Variants in RHOJ observed in about 807,000 individuals in gnomAD.
RHOJ encodes the protein ras homolog family member J.
Under a neutral mutation model 23.4 loss-of-function variants are expected in RHOJ, and 11 were observed. That is an observed-to-expected ratio of 0.47 (90% CI 0.30 to 0.78). The LOEUF (loss-of-function observed/expected upper bound fraction) is 0.78. RHOJ is among the 30% of genes least tolerant of loss of function. RHOJ has a pLI of 0.08. For missense variants in RHOJ, 254 were observed against 273.4 expected (o/e 0.93, Z 0.50); for synonymous variants, 102 against 102.7 (o/e 0.99, Z 0.04).
chr14:63,283,927 C>T (rs967689122), intron 4 of RHOJ, among the ~76,000 whole-genome samples: 4 of 152,158 alleles, frequency 2.6e-5, no homozygotes, highest in African/African-American at 9.7e-5. Flanking sequence ...AGCAAAGCAG[C>T]CACTGAAAAA....
chr14:63,264,860 T>G (rs1223841227), intron 1 of RHOJ, among the ~76,000 whole-genome samples: 1 of 152,216 alleles, frequency 6.6e-6, no homozygotes, highest in Non-Finnish European at 1.5e-5. Flanking sequence ...ATTAAAAAGT[T>G]TTTTGGTTTT....
chr14:63,267,943 A>T (rs1895397232), intron 1 of RHOJ, among the ~76,000 whole-genome samples: 5 of 152,252 alleles, frequency 3.3e-5, no homozygotes, highest in Admixed American at 3.3e-4. Flanking sequence ...CGAGCCATTA[A>T]GAAGTTCCTT....
chr14:63,227,459 C>T (rs570349437), intron 1 of RHOJ, among the ~76,000 whole-genome samples: 1 of 152,202 alleles, frequency 6.6e-6, no homozygotes, highest in South Asian at 2.1e-4. Context: ...CCACTCTTCC[C>T]TATGTAATTT....
Position 63,242,191 on chromosome 14 carries a change from T to G in RHOJ, c.179-26919T>G, listed in dbSNP as rs564408782. On this transcript the variant is annotated intron_variant, in intron 1 of 4. Coordinates refer to ENST00000316754, the MANE Select transcript of RHOJ (RefSeq NM_020663.5). ...AAAGAAAAGAATGATAGCTCAAAGA[T>G]GTAAAATGAAATGGCCACAATTTTT... Among the ~76,000 whole-genome samples, 25 of 152,320 alleles carry G rather than the reference T, an allele frequency of 1.6e-4. No homozygotes were observed. The South Asian group carries it at 5.0e-3, about 30-fold the overall frequency.
chr14:63,276,132 T>C lies in RHOJ; in HGVS notation c.238-4839T>C, dbSNP rs900847958. On this transcript the variant is annotated intron_variant, in intron 2 of 4. Transcript: ENST00000316754. ...GAACAGTCACCTGTGGTTCTGAAACTTGAGCTGCATCAGAATCACCTGGAG... is the reference window on the plus strand; with the variant it reads ...GAACAGTCACCTGTGGTTCTGAAACCTGAGCTGCATCAGAATCACCTGGAG... 2.6e-5 allele frequency among the ~76,000 whole-genome samples: 4 copies of C among 152,182 alleles called. No individual in the cohort carries two copies. In the East Asian group the frequency reaches 7.7e-4, roughly 29 times the overall value.
At position 63,257,186 on chromosome 14, in the gene RHOJ, C is replaced by T. The variant is rs1042055004; in HGVS notation, c.179-11924C>T. On this transcript the variant is annotated intron_variant, in intron 1 of 4. Transcript: ENST00000316754. ...CCAGGAGCTGGAGGTTGCAGTGAGA[C>T]GAAATCGCACCACTGTACTCCAGCC... Among the ~76,000 whole-genome samples, 4 of 138,840 alleles carry T rather than the reference C, an allele frequency of 2.9e-5. 1 individual carries two copies. In the East Asian group the frequency reaches 9.6e-4, roughly 33 times the overall value. The allele number at this position is 138,840 out of a possible 152,430, so 91.1% of individuals were successfully genotyped here.
chr14:63,290,430 T>C (rs1023203151), intron 4 of RHOJ, among the ~76,000 whole-genome samples: 9 of 152,124 alleles, frequency 5.9e-5, no homozygotes, highest in African/African-American at 1.9e-4. Flanking sequence ...AGAAGATACA[T>C]TTCACTTGTA....
At position 63,272,629 on chromosome 14, in the gene RHOJ, G is replaced by C. The variant is rs547902593; in HGVS notation, c.237+3461G>C. On this transcript the variant is annotated intron_variant, in intron 2 of 4. Coordinates refer to ENST00000316754, the MANE Select transcript of RHOJ (RefSeq NM_020663.5). ...AAAATCATTTGACCTGCTTTCCCTTGACTTTGAGGCACCTAGTCTGCCTCA... is the reference window on the plus strand; with the variant it reads ...AAAATCATTTGACCTGCTTTCCCTTCACTTTGAGGCACCTAGTCTGCCTCA... Among the ~76,000 whole-genome samples, 4 of 152,304 alleles carry C rather than the reference G, an allele frequency of 2.6e-5. No homozygotes were observed. The East Asian group carries it at 7.7e-4, about 29-fold the overall frequency.
chr14:63,246,285 T>A (rs1045603565), intron 1 of RHOJ, among the ~76,000 whole-genome samples: 1 of 152,210 alleles, frequency 6.6e-6, no homozygotes, highest in South Asian at 2.1e-4. Context: ...TCCCATTTCA[T>A]GTATAAGTAA....
intron 1 of RHOJ, among the ~76,000 whole-genome samples, chr14:63,267,143 A>C (rs56134239): frequency 6.6e-6 from 1 of 152,206 alleles, no homozygotes; most frequent in East Asian, 1.9e-4. Context: ...GAAAGAACAG[A>C]GGAAACAGAA....
At chr14:63,217,945 A>G (rs1361887158) in intron 1 of RHOJ, among the ~76,000 whole-genome samples, 1 of 152,150 alleles carries the variant, frequency 6.6e-6, no homozygotes, top group African/African-American at 2.4e-5. Flanking sequence ...AACTCTAAAT[A>G]TTCTTTTAGA....
intron 1 of RHOJ, 136 bp downstream of exon 1, chr14:63,205,183 C>T: frequency 1.2e-6 from 1 of 845,882 alleles, no homozygotes; most frequent in Non-Finnish European, 1.8e-6. Context: ...CTTAGCGTAG[C>T]ATACAACCCA....
intron 1 of RHOJ, among the ~76,000 whole-genome samples, chr14:63,234,956 A>G (rs999342486): frequency 1.3e-5 from 2 of 152,190 alleles, no homozygotes; most frequent in Admixed American, 6.5e-5. Flanking sequence ...TAAAATATCT[A>G]GGAACCAGTA....
At chr14:63,266,151 T>C (rs1895362861) in intron 1 of RHOJ, among the ~76,000 whole-genome samples, 1 of 152,194 alleles carries the variant, frequency 6.6e-6, no homozygotes, top group Admixed American at 6.5e-5. Flanking sequence ...TTTCAAAATA[T>C]CTCAAAGATA....
chr14:63,288,275 G>A (rs1264946500), intron 4 of RHOJ: 1 of 985,324 alleles, frequency 1.0e-6, no homozygotes. Flanking sequence ...CACACTGGGG[G>A]CAGGAGGATG....
chr14:63,279,763 T>C (rs1463693327), intron 2 of RHOJ, among the ~76,000 whole-genome samples: 1 of 152,210 alleles, frequency 6.6e-6, no homozygotes, highest in Non-Finnish European at 1.5e-5. Context: ...CTCTAAACCC[T>C]CACTCAACAT....
chr14:63,208,871 G>A (rs1894171065), intron 1 of RHOJ, among the ~76,000 whole-genome samples: 1 of 151,946 alleles, frequency 6.6e-6, no homozygotes, highest in South Asian at 2.1e-4. Context: ...TATCTAATAG[G>A]CATCTCATTC....
intron 1 of RHOJ, among the ~76,000 whole-genome samples, chr14:63,244,713 C>A (rs995062086): frequency 6.6e-6 from 1 of 152,186 alleles, no homozygotes; most frequent in African/African-American, 2.4e-5. Flanking sequence ...CTAATCCTTG[C>A]AAGAATAACA....
intron 1 of RHOJ, among the ~76,000 whole-genome samples, chr14:63,265,529 T>C (rs942258003): frequency 7.9e-5 from 12 of 152,242 alleles, no homozygotes; most frequent in Non-Finnish European, 1.3e-4. Context: ...CCACATGAAA[T>C]TTAGAATAGT....
Sources: gnomAD v4.1 joint callset for allele counts (sites outside exome capture counted in the v4.1 genomes callset) on GRCh38, gnomAD v4.1.1 for gene constraint, MANE v1.5 for transcripts, NCBI Gene and HGNC (gene_info 2026-07-23, HGNC 2026-07-21) for gene names.